FRY: variants seen among roughly 807,000 people sequenced by gnomAD.
FRY encodes the protein FRY microtubule binding protein.
A neutral mutation model predicts 348.4 loss-of-function variants in FRY; 128 were observed. That is an observed-to-expected ratio of 0.37 (90% CI 0.32 to 0.43). The LOEUF is 0.43. Among genes scored for constraint, FRY ranks in the 20% least tolerant of loss-of-function variants. The pLI is 1.00. For missense variants in FRY, 2,736 were observed against 3,695.2 expected, an observed-to-expected ratio of 0.74 and a Z score of 6.73; for synonymous variants, 1,370 against 1,374.7, an observed-to-expected ratio of 1.00 and a Z score of 0.08.
intron 2 of FRY, among the ~76,000 whole-genome samples, chr13:32,086,512 G>A (rs1875873204): frequency 6.6e-6 from 1 of 152,164 alleles, no homozygotes; most frequent in South Asian, 2.1e-4. Context: ...TTATTAGTGA[G>A]TCTGTCCAGG....
chr13:32,094,549 A>G (rs573286428), intron 2 of FRY, among the ~76,000 whole-genome samples: 1 of 150,626 alleles, frequency 6.6e-6, no homozygotes. Flanking sequence ...ACATCCTTCT[A>G]CTCTGTGTCT....
chr13:32,274,021 C>T (rs995188645), intron 55 of FRY, among the ~76,000 whole-genome samples: 5 of 152,082 alleles, frequency 3.3e-5, no homozygotes, highest in South Asian at 4.2e-4. Flanking sequence ...ATCCAAAACC[C>T]GAAACCCTTC....
intron 36 of FRY, 55 bp from the exon 37 acceptor site, chr13:32,224,180 A>G: frequency 7.0e-7 from 1 of 1,427,090 alleles, no homozygotes; most frequent in Non-Finnish European, 9.9e-7. Flanking sequence ...TCAAGTAGAG[A>G]AAACAAGTCT....
At chr13:32,147,421 C>G (rs750548366) in intron 12 of FRY, 36 bp downstream of exon 12, 1 of 1,121,444 alleles carries the variant, frequency 8.9e-7, no homozygotes, top group Admixed American at 1.7e-5. Flanking sequence ...AACCATATCA[C>G]TCAGCCACTG....
intron 2 of FRY, among the ~76,000 whole-genome samples, chr13:32,086,702 T>G (rs1047503596): frequency 6.6e-6 from 1 of 152,156 alleles, no homozygotes; most frequent in African/African-American, 2.4e-5. Context: ...GTTTTGATTT[T>G]GAAACCTGGA....
intron 8 of FRY, 131 bp downstream of exon 8, chr13:32,131,971 A>G (rs1201857699): frequency 1.3e-6 from 1 of 778,626 alleles, no homozygotes; most frequent in Admixed American, 1.9e-5. Flanking sequence ...TAAATAATTC[A>G]TGAAGTCCTT....
At chr13:32,289,181 T>C (rs954096633) in intron 58 of FRY, among the ~76,000 whole-genome samples, 4 of 152,204 alleles carry the variant, frequency 2.6e-5, no homozygotes, top group Non-Finnish European at 5.9e-5. Flanking sequence ...GCCTGACTGT[T>C]AGGTTTACAC....
chr13:32,055,604 G>A (rs1003399007), intron 1 of FRY, among the ~76,000 whole-genome samples: 2 of 152,082 alleles, frequency 1.3e-5, no homozygotes, highest in Non-Finnish European at 2.9e-5. Flanking sequence ...TAAACTTTGG[G>A]ATTTTGTCAG....
intron 19 of FRY, 134 bp from the exon 20 acceptor site, chr13:32,175,412 G>A: frequency 1.4e-6 from 1 of 710,360 alleles, no homozygotes. Flanking sequence ...CACCCTCTGG[G>A]CACTCACTTT....
intron 58 of FRY, among the ~76,000 whole-genome samples, chr13:32,284,478 T>C (rs1445316007): frequency 1.3e-5 from 2 of 152,234 alleles, no homozygotes; most frequent in Non-Finnish European, 2.9e-5. Context: ...CTTTCTCATA[T>C]TGGCTAAAGA....
At chr13:32,149,427 A>G (rs1408299654) in intron 13 of FRY, among the ~76,000 whole-genome samples, 2 of 148,384 alleles carry the variant, frequency 1.3e-5, no homozygotes, top group African/African-American at 5.0e-5. Flanking sequence ...CACATTCTTT[A>G]TAAGCCCAGA....
intron 47 of FRY, among the ~76,000 whole-genome samples, chr13:32,246,003 G>C (rs1886773940): frequency 6.6e-6 from 1 of 152,162 alleles, no homozygotes; most frequent in African/African-American, 2.4e-5. Flanking sequence ...AAGTGGCGTT[G>C]CTGCATCATA....
chr13:32,150,994 G>C (rs995471390), intron 14 of FRY, among the ~76,000 whole-genome samples: 3 of 152,186 alleles, frequency 2.0e-5, no homozygotes, highest in African/African-American at 7.2e-5. Flanking sequence ...CCAATGGGAG[G>C]GGGCAGGGCC....
rs1378527212 is a variant in FRY, at chr13:32,244,194, G to T, written c.6828+12G>T. Reference sequence around the variant, plus strand: ...AAAAATATGTGCAAGTGAGTACTTGGATAACTTCACTAAGCAACCAGTCGT... The same window carrying T: ...AAAAATATGTGCAAGTGAGTACTTGTATAACTTCACTAAGCAACCAGTCGT... On this transcript the variant is annotated intron_variant, in intron 47 of 60. Coordinates refer to ENST00000542859, the MANE Select transcript of FRY (RefSeq NM_023037.3). 3.7e-6 allele frequency: 6 copies of T among 1,610,902 alleles called. No individual in the cohort carries two copies. Among genetic ancestry groups the T allele is most frequent in the Non-Finnish European group, 4.2e-6 (5 of 1,177,322 alleles).
chr13:32,170,205 G>A lies in FRY; in HGVS notation c.1893-807G>A, dbSNP rs76787158. On this transcript the variant is annotated intron_variant, in intron 17 of 60. Transcript: ENST00000542859. ...GTCCTTTAGCTTCTCCAGTACTCAG[G>A]TTCCTCATCCTTAAGAATAGGATTC... Among the ~76,000 whole-genome samples the A allele has an allele frequency of 7.4e-3, 1,131 of 152,240 alleles. 19 individuals are homozygous for A. Among genetic ancestry groups the A allele is most frequent in the African/African-American group, 0.026 (1,088 of 41,540 alleles).
chr13:32,038,621 C>T (rs1408129808), intron 1 of FRY: 2 of 152,124 alleles, frequency 1.3e-5, no homozygotes, highest in African/African-American at 2.4e-5. Flanking sequence ...AACATTGCTC[C>T]ATCACTGAAC....
At chr13:32,246,276 G>A (rs551299092) in intron 47 of FRY, among the ~76,000 whole-genome samples, 2 of 137,366 alleles carry the variant, frequency 1.5e-5, no homozygotes, top group Admixed American at 1.5e-4. Flanking sequence ...CAAAGTCCAG[G>A]CAAAAAATAA....
chr13:32,145,468 A>T (rs1317958498), intron 11 of FRY, among the ~76,000 whole-genome samples: 4 of 151,150 alleles, frequency 2.6e-5, no homozygotes, highest in Non-Finnish European at 5.9e-5. Flanking sequence ...GAAGTAAGGA[A>T]TGGAGGAATG....
intron 55 of FRY, among the ~76,000 whole-genome samples, chr13:32,269,517 C>G (rs1020642412): frequency 6.6e-6 from 1 of 152,150 alleles, no homozygotes; most frequent in South Asian, 2.1e-4. Context: ...ATGGTGAAAC[C>G]CCATCTCTAC....
Sources: allele counts gnomAD v4.1 joint callset (sites outside exome capture counted in the v4.1 genomes callset), GRCh38; gene constraint gnomAD v4.1.1; transcripts MANE v1.5; gene names NCBI Gene and HGNC (gene_info 2026-07-23, HGNC 2026-07-21).